LRCH3: variants seen among roughly 807,000 people sequenced by gnomAD.
LRCH3 encodes the protein leucine rich repeats and calponin homology domain containing 3, also known as DISP complex protein LRCH3.
In LRCH3, 68 loss-of-function variants were observed where a neutral mutation model predicts 104.5. That is an observed-to-expected ratio of 0.65 (90% confidence interval 0.54 to 0.80). The LOEUF is 0.80. LRCH3 is among the 30% of genes least tolerant of loss of function. The pLI is 0.00. For synonymous variants in LRCH3, 344 were observed against 361.3 expected, an observed-to-expected ratio of 0.95 and a Z score of 0.54; for missense variants, 951 against 953.9, an observed-to-expected ratio of 1.00 and a Z score of 0.04.
chr3:197,874,449 A>C (rs1434623618), intron 19 of LRCH3, among the ~76,000 whole-genome samples: 1 of 152,192 alleles, frequency 6.6e-6, no homozygotes, highest in Non-Finnish European at 1.5e-5. Flanking sequence ...GGGACTGTCT[A>C]GTTGCAGGTA....
chr3:197,855,530 G>A (rs1023543674), intron 14 of LRCH3, among the ~76,000 whole-genome samples: 2 of 152,114 alleles, frequency 1.3e-5, no homozygotes, highest in African/African-American at 2.4e-5. Context: ...GTCCAATGTC[G>A]CATAGACAGT....
intron 1 of LRCH3, among the ~76,000 whole-genome samples, chr3:197,803,757 G>A (rs2109125714): frequency 6.6e-6 from 1 of 152,202 alleles, no homozygotes; most frequent in Middle Eastern, 3.4e-3. Context: ...TAGAAGGTTC[G>A]CAGGACCTTG....
chr3:197,879,967 A>T (rs140953278), intron 20 of LRCH3, among the ~76,000 whole-genome samples: 2,655 of 145,882 alleles, frequency 0.018, 103 homozygotes, highest in African/African-American at 0.066. Flanking sequence ...TTTTTTTGAG[A>T]CGGAGTCTCG....
chr3:197,807,196 C>T (rs1015664161), intron 1 of LRCH3, among the ~76,000 whole-genome samples: 1 of 150,354 alleles, frequency 6.7e-6, no homozygotes. Context: ...AAGTGAGTTT[C>T]TTGTAAATAA....
chr3:197,835,282 C>G (rs1394077974), intron 8 of LRCH3, among the ~76,000 whole-genome samples: 1 of 151,742 alleles, frequency 6.6e-6, no homozygotes, highest in African/African-American at 2.4e-5. Context: ...CTCCCGGGTT[C>G]AAGCAATTCT....
At chr3:197,872,323 C>G (rs187420603) in intron 19 of LRCH3, among the ~76,000 whole-genome samples, 2,515 of 143,662 alleles carry the variant, frequency 0.018, 36 homozygotes, top group Non-Finnish European at 0.028. Flanking sequence ...TGCCAGTGCA[C>G]TCCAGCCTAG....
rs923007990 is a variant in LRCH3, at chr3:197,841,768, G to A, written c.1328+2371G>A. 8.5e-5 allele frequency among the ~76,000 whole-genome samples: 13 copies of A among 152,266 alleles called. 1 individual carries two copies. The highest frequency in any genetic ancestry group is 2.1e-4 in the South Asian group (1 of 4,824). On this transcript the variant is annotated intron_variant, in intron 10 of 20. Coordinates refer to ENST00000425562, the MANE Select transcript of LRCH3 (RefSeq NM_001365715.1). ...TTCCATTGGAAGAGTCATTCAGGGC[G>A]TTTAGTCTGCCACAGTGCTGGAAAC...
rs550225335 is a variant in LRCH3 at position 197,853,438 on chromosome 3, T to C, written c.1590+818T>C. 2.0e-5 allele frequency among the ~76,000 whole-genome samples: 3 copies of C among 152,256 alleles called. No homozygotes were observed. In the South Asian group the frequency reaches 6.2e-4, roughly 32 times the overall value. ...CTCCTGACCTCATAATCCACCTGCC[T>C]CGGCCTCCCAAACTGCTGGAATTAC... On this transcript the variant is annotated intron_variant, in intron 13 of 20. Transcript: ENST00000425562.
At chr3:197,878,583 C>T (rs1419818403) in intron 20 of LRCH3, among the ~76,000 whole-genome samples, 1 of 152,166 alleles carries the variant, frequency 6.6e-6, no homozygotes, top group Non-Finnish European at 1.5e-5. Context: ...CTGCCCCTTC[C>T]TTCTCCCCTT....
chr3:197,879,596 A>G (rs1713402820), intron 20 of LRCH3, among the ~76,000 whole-genome samples: 1 of 152,062 alleles, frequency 6.6e-6, no homozygotes, highest in Non-Finnish European at 1.5e-5. Flanking sequence ...CAGTGAGCCG[A>G]GATCAGCGAG....
At chr3:197,868,841 A>G (rs1711664395) in intron 17 of LRCH3, among the ~76,000 whole-genome samples, 2 of 152,200 alleles carry the variant, frequency 1.3e-5, no homozygotes, top group South Asian at 4.1e-4. Flanking sequence ...TTGGGTACTT[A>G]TGGGCAAGGA....
chr3:197,861,370 G>A (rs1397087166), intron 15 of LRCH3, among the ~76,000 whole-genome samples: 2 of 152,160 alleles, frequency 1.3e-5, no homozygotes, highest in East Asian at 1.9e-4. Flanking sequence ...CATTCTAGAT[G>A]TATGGGAGAG....
Position 197,875,734 on chromosome 3 carries a change from G to A in LRCH3, c.2167G>A (p.Glu723Lys). The A allele has an allele frequency of 6.5e-7, 1 of 1,534,948 alleles. No homozygotes were observed. Among genetic ancestry groups the A allele is most frequent in the Non-Finnish European group, 8.7e-7 (1 of 1,146,728 alleles). The change falls in exon 20 of 21, where the codon GAA (glutamate) becomes AAA (lysine). Residue 723 changes from glutamate to lysine, a missense_variant. Coordinates refer to ENST00000425562, the MANE Select transcript of LRCH3 (RefSeq NM_001365715.1). ...LTMAKCRRNV[E>K]NFLEACRKIG... ...AATGGCGAAATGCAGGCGAAATGTG[G>A]AAAATTTCCTAGAAGCTTGCAGAAA... is the stretch of plus-strand genomic sequence containing the variant.
intron 9 of LRCH3, among the ~76,000 whole-genome samples, chr3:197,838,889 T>C (rs1376050661): frequency 7.9e-5 from 12 of 152,230 alleles, no homozygotes; most frequent in Non-Finnish European, 1.8e-4. Flanking sequence ...TAAAGAAATG[T>C]AACCTGCCCA....
chr3:197,817,256 T>C lies in LRCH3; in HGVS notation c.488T>C (p.Val163Ala). ...KVLIASNNKLVSLPEEIGHLR... is the reference protein window; with the variant it reads ...KVLIASNNKLASLPEEIGHLR... ...TTAATTGCTAGTAATAACAAATTGGTGTCACTTCCAGAAGAAATTGGACAC... is the reference window on the plus strand; with the variant it reads ...TTAATTGCTAGTAATAACAAATTGGCGTCACTTCCAGAAGAAATTGGACAC... Residue 163 changes from valine (V) to alanine (A), a missense_variant, in exon 3 of 21, where the codon GTG (valine) becomes GCG (alanine). Val to Ala is a moderately conservative substitution (Grantham distance 64, BLOSUM62 0). Transcript: ENST00000425562. The C allele has an allele frequency of 6.2e-7, 1 of 1,611,506 alleles. No homozygotes were observed. The highest frequency in any genetic ancestry group is 8.5e-7 in the Non-Finnish European group (1 of 1,178,870).
Position 197,814,991 on chromosome 3 carries a change from T to C in LRCH3, c.346T>C (p.Cys116Arg). 6.3e-7 allele frequency: 1 copy of C among 1,585,244 alleles called. No individual in the cohort carries two copies. The highest frequency in any genetic ancestry group is 2.3e-5 in the East Asian group (1 of 44,296). Residue 116 changes from cysteine to arginine, a missense_variant, in exon 2 of 21, where the codon TGT becomes CGT. Cys to Arg is a radical substitution (Grantham distance 180, BLOSUM62 -3). Transcript: ENST00000425562. ...GGAAAATCTCAACTTGTACCAAAATTGTATTCGTTATATTCCAGAGGCAAT... is the reference window on the plus strand; with the variant it reads ...GGAAAATCTCAACTTGTACCAAAATCGTATTCGTTATATTCCAGAGGCAAT... ...SLENLNLYQN[C>R]IRYIPEAILN...
At chr3:197,879,625 TAAAA>T (rs1183776251) in intron 20 of LRCH3, among the ~76,000 whole-genome samples, 1 of 151,216 alleles carries the variant, frequency 6.6e-6, no homozygotes, top group Non-Finnish European at 1.5e-5. Flanking sequence ...TCAAAAAAAA[TAAAA>T]AATAAAAAAA....
At chr3:197,855,711 AAAC>A (rs993886643) in intron 14 of LRCH3, among the ~76,000 whole-genome samples, 7 of 152,194 alleles carry the variant, frequency 4.6e-5, no homozygotes, top group African/African-American at 1.7e-4. Flanking sequence ...GAATTTAGAA[AAAC>A]AACAACAGCA....
chr3:197,835,497 TAAAAAAAAA>T (rs79382131), intron 8 of LRCH3, among the ~76,000 whole-genome samples, 168 bp from the exon 9 acceptor site: 1 of 135,102 alleles, frequency 7.4e-6, no homozygotes, highest in South Asian at 2.3e-4. Context: ...ATAAAATGGG[TAAAAAAAAA>T]AAAAAAAAAA....
Sources: allele counts gnomAD v4.1 joint callset (sites outside exome capture counted in the v4.1 genomes callset), GRCh38; gene constraint gnomAD v4.1.1; transcripts MANE v1.5; gene names NCBI Gene and HGNC (gene_info 2026-07-23, HGNC 2026-07-21).